Variants in KCNQ1 observed in about 807,000 individuals in gnomAD.
KCNQ1 encodes potassium voltage-gated channel subfamily Q member 1.
In KCNQ1, 49 loss-of-function variants were observed where a neutral mutation model predicts 72.4. The observed-to-expected ratio is 0.68, with a 90% CI of 0.54 to 0.86. The LOEUF (loss-of-function observed/expected upper bound fraction) is 0.86, where lower values mean the gene tolerates loss of function less well. KCNQ1 is among the 40% of genes least tolerant of loss of function. The pLI is 0.00. For synonymous variants in KCNQ1, 450 were observed against 412.6 expected (o/e 1.09, Z -1.10); for missense variants, 790 against 945.1 (o/e 0.84, Z 2.15).
chr11:2,836,615 AAGG>A, intron 15 of KCNQ1, among the ~76,000 whole-genome samples: 1 of 152,206 alleles, frequency 6.6e-6, no homozygotes. Context: ...TCCCCACAGA[AAGG>A]AGGGCTGCAC....
At chr11:2,635,213 T>C (rs888167085) in intron 10 of KCNQ1, 1 of 152,192 alleles carries the variant, frequency 6.6e-6, no homozygotes, top group Admixed American at 6.5e-5. Context: ...ATTTTGGCTT[T>C]TGTTGCCATT....
intron 11 of KCNQ1, among the ~76,000 whole-genome samples, chr11:2,761,239 G>C (rs911634846): frequency 6.6e-6 from 1 of 151,906 alleles, no homozygotes; most frequent in African/African-American, 2.4e-5. Flanking sequence ...ACCCTTCATC[G>C]TTCCTCCGGT....
chr11:2,822,320 G>A (rs749419673), intron 15 of KCNQ1, among the ~76,000 whole-genome samples: 1 of 152,206 alleles, frequency 6.6e-6, no homozygotes, highest in Non-Finnish European at 1.5e-5. Flanking sequence ...GCAGGATGCT[G>A]ACACAAGCAC....
At chr11:2,633,733 T>C (rs1411218234) in intron 10 of KCNQ1, 1 of 398,502 alleles carries the variant, frequency 2.5e-6, no homozygotes, top group Non-Finnish European at 4.4e-6. Context: ...TATGTCTGTT[T>C]TATGCCCATT....
rs192937128 is a variant in KCNQ1 at position 2,561,513 on chromosome 11, C to T, written c.478-9115C>T. ...GGCCCAGGCCACTGTTGTCATTTCG[C>T]CCTCCCCACAGTCCTAGGAGGTGGG... On this transcript the variant is annotated intron_variant, in intron 2 of 15. Coordinates refer to ENST00000155840, the MANE Select transcript of KCNQ1 (RefSeq NM_000218.3). 3.9e-5 allele frequency among the ~76,000 whole-genome samples: 6 copies of T among 152,342 alleles called. No homozygotes were observed. In the East Asian group the frequency reaches 9.7e-4, roughly 25 times the overall value.
chr11:2,534,890 C>T (rs1003438079), intron 2 of KCNQ1, among the ~76,000 whole-genome samples: 1 of 152,250 alleles, frequency 6.6e-6, no homozygotes, highest in African/African-American at 2.4e-5. Flanking sequence ...TCATGAAAGG[C>T]AGAGCTGGAC....
rs1846287620 is a variant in KCNQ1, at chr11:2,462,088, T to C, written c.386+16604T>C. 3.4e-6 allele frequency: 1 copy of C among 290,460 alleles called. No homozygotes were observed. Among genetic ancestry groups the C allele is most frequent in the African/African-American group, 2.2e-5 (1 of 45,926 alleles). 18.0% of individuals were successfully genotyped at this position (290,460 alleles called of 1,614,324 possible). The stretch of plus-strand genomic sequence containing the variant: ...GAGACCCAGCCCCACTGTGTCTTTC[T>C]GGGATTCACAAGAATCCTTCCCTGG... On this transcript the variant is annotated intron_variant, in intron 1 of 15. Transcript: ENST00000155840. The surrounding 1 kb of genome is among the most constrained non-coding windows in gnomAD (Gnocchi z 8.2).
At chr11:2,459,987 G>A (rs1263805827) in intron 1 of KCNQ1, among the ~76,000 whole-genome samples, 1 of 152,178 alleles carries the variant, frequency 6.6e-6, no homozygotes, top group Non-Finnish European at 1.5e-5. Context: ...GTGAACCCCT[G>A]TTTCTCCTCT....
At position 2,776,083 on chromosome 11, in the gene KCNQ1, G is replaced by T. The variant is rs775621807; in HGVS notation, c.1685+29G>T. ...GGCACGGCCAAACGGCAGCGGGGAG[G>T]GTGCCCAGGTCCTGCCCAGCCCGGC... On this transcript the variant is annotated intron_variant, in intron 13 of 15. Coordinates refer to ENST00000155840, the MANE Select transcript of KCNQ1 (RefSeq NM_000218.3). The T allele has an allele frequency of 1.0e-5, 16 of 1,530,712 alleles. No homozygotes were observed. The South Asian group carries it at 1.8e-4, about 17-fold the overall frequency. 94.8% of individuals were successfully genotyped at this position (1,530,712 alleles called of 1,614,324 possible).
chr11:2,656,667 T>A (rs1849854192), intron 10 of KCNQ1: 1 of 397,360 alleles, frequency 2.5e-6, no homozygotes, highest in Non-Finnish European at 4.4e-6. Context: ...CTTTGCATTT[T>A]GTGGGCACTG....
rs1379069578 is a variant in KCNQ1 at position 2,507,295 on chromosome 11, G to A, written c.387-20633G>A. Among the ~76,000 whole-genome samples the A allele has an allele frequency of 6.6e-6, 1 of 152,170 alleles. No individual in the cohort carries two copies. Among genetic ancestry groups the A allele is most frequent in the Admixed American group, 6.5e-5 (1 of 15,274 alleles). ...TCCTTAGAAGTTCACCCCACTGGCTGGGGCCTTCACGAGGCCCCTCTGGCC... is the reference window on the plus strand; with the variant it reads ...TCCTTAGAAGTTCACCCCACTGGCTAGGGCCTTCACGAGGCCCCTCTGGCC... On this transcript the variant is annotated intron_variant, in intron 1 of 15. Coordinates refer to ENST00000155840, the MANE Select transcript of KCNQ1 (RefSeq NM_000218.3). This position sits in a 1 kb window ranked among gnomAD's most constrained non-coding sequence, Gnocchi z 5.4.
intron 2 of KCNQ1, among the ~76,000 whole-genome samples, chr11:2,551,630 C>T (rs1000425706): frequency 3.9e-5 from 6 of 152,162 alleles, no homozygotes; most frequent in South Asian, 4.1e-4. Context: ...AGTGGGATTG[C>T]GGGATCATGT....
Position 2,703,776 on chromosome 11 carries a change from A to C in KCNQ1, c.1514+41695A>C, listed in dbSNP as rs918473652. ...GATGTGTGGCAGGCCCTGGCCAAGG[A>C]GTTCTGTGGGCCTCAATTCTCTCCC... On this transcript the variant is annotated intron_variant, in intron 11 of 15. Transcript: ENST00000155840. This position sits in a 1 kb window ranked among gnomAD's most constrained non-coding sequence, Gnocchi z 6.4. Among the ~76,000 whole-genome samples the C allele has an allele frequency of 2.0e-5, 3 of 152,188 alleles. No individual in the cohort carries two copies. The highest frequency in any genetic ancestry group is 4.1e-4 in the South Asian group (2 of 4,826).
Position 2,508,379 on chromosome 11 carries a change from G to A in KCNQ1, c.387-19549G>A, listed in dbSNP as rs561143676. Among the ~76,000 whole-genome samples the A allele has an allele frequency of 6.6e-6, 1 of 152,272 alleles. No homozygotes were observed. Among genetic ancestry groups the A allele is most frequent in the Non-Finnish European group, 1.5e-5 (1 of 68,008 alleles). On this transcript the variant is annotated intron_variant, in intron 1 of 15. Coordinates refer to ENST00000155840, the MANE Select transcript of KCNQ1 (RefSeq NM_000218.3). This position sits in a 1 kb window ranked among gnomAD's most constrained non-coding sequence, Gnocchi z 6.2. ...CCTGGGCTTGGCAGGGCAAGCTTTG[G>A]GGAGCACTGTCCAGACAGTGCCCTG...
At chr11:2,693,882 C>T in intron 11 of KCNQ1, 1 of 398,794 alleles carries the variant, frequency 2.5e-6, no homozygotes. Context: ...CTGAGGGAAA[C>T]CCTACTCGTC....
chr11:2,571,909 G>T, intron 4 of KCNQ1, 104 bp from the exon 5 acceptor site: 1 of 915,436 alleles, frequency 1.1e-6, no homozygotes, highest in Non-Finnish European at 1.7e-6. Flanking sequence ...GGACGCCTGG[G>T]AGGGGCAGGG....
rs544523118 is a variant in KCNQ1, at chr11:2,463,902, G to T, written c.386+18418G>T. 7.4e-4 allele frequency among the ~76,000 whole-genome samples: 113 copies of T among 152,344 alleles called. No individual in the cohort carries two copies. The highest frequency in any genetic ancestry group is 1.3e-3 in the Non-Finnish European group (90 of 68,032). On this transcript the variant is annotated intron_variant, in intron 1 of 15. Coordinates refer to ENST00000155840, the MANE Select transcript of KCNQ1 (RefSeq NM_000218.3). The surrounding 1 kb of genome is among the most constrained non-coding windows in gnomAD (Gnocchi z 7.0). Reference sequence around the variant, plus strand: ...TGTTTGGCTGATGGATCAGGGGGAAGGTTCTCCCCACGGTGTGAGGCAGCA... The same window carrying T: ...TGTTTGGCTGATGGATCAGGGGGAATGTTCTCCCCACGGTGTGAGGCAGCA...
chr11:2,505,021 A>G (rs956496945), intron 1 of KCNQ1, among the ~76,000 whole-genome samples: 10 of 148,888 alleles, frequency 6.7e-5, no homozygotes, highest in Non-Finnish European at 1.5e-5. Context: ...TCTCATCTTT[A>G]TTTGCATTTA....
In KCNQ1 at chr11:2,642,504, G is replaced by T. The variant is rs565842401; in HGVS notation, c.1394-19457G>T. 737 of 397,906 alleles carry T rather than the reference G, an allele frequency of 1.9e-3. 2 individuals carry two copies. Among genetic ancestry groups the T allele is most frequent in the Admixed American group, 3.0e-3 (68 of 22,714 alleles). 24.6% of individuals were successfully genotyped at this position (397,906 alleles called of 1,614,324 possible). A position where few individuals can be genotyped will look rare whatever the true frequency, so the allele number is the denominator to read the frequency against. On this transcript the variant is annotated intron_variant, in intron 10 of 15. Coordinates refer to ENST00000155840, the MANE Select transcript of KCNQ1 (RefSeq NM_000218.3). The surrounding 1 kb of genome is among the most constrained non-coding windows in gnomAD (Gnocchi z 4.3). ...AGAGTTTTGATTTTTGTATTTCATG[G>T]TATGAGTTGTAATATCCCCTTTTTC...
Sources: allele counts gnomAD v4.1 joint callset (sites outside exome capture counted in the v4.1 genomes callset), GRCh38; gene constraint gnomAD v4.1.1; non-coding constraint Gnocchi (gnomAD v3.1); transcripts MANE v1.5; gene names NCBI Gene and HGNC (gene_info 2026-07-23, HGNC 2026-07-21).